The following ZNF780B variants were observed in gnomAD, a reference collection of about 807,000 sequenced individuals.
ZNF780B encodes zinc finger protein 780B, also known as zinc finger protein 779.
ZNF780B carries 52 observed loss-of-function variants against 74.1 expected under a neutral mutation model. That is an observed-to-expected ratio of 0.70 (90% CI 0.56 to 0.88). ZNF780B has a LOEUF of 0.88. Among genes scored for constraint, ZNF780B ranks in the 40% least tolerant of loss-of-function variants. The pLI, the probability that ZNF780B is intolerant of heterozygous loss-of-function variation, is 0.00. For missense variants in ZNF780B, 953 were observed against 1,007.6 expected, an observed-to-expected ratio of 0.95 and a Z score of 0.73; for synonymous variants, 315 against 324.3, an observed-to-expected ratio of 0.97 and a Z score of 0.31.
chr19:40,045,753 C>T (rs994099500), intron 4 of ZNF780B, among the ~76,000 whole-genome samples: 14 of 152,164 alleles, frequency 9.2e-5, no homozygotes, highest in African/African-American at 2.9e-4. Context: ...TTTGGGAAGC[C>T]GAGGTGGGTG....
At position 40,052,053 on chromosome 19, in the gene ZNF780B, T is replaced by C. The variant is rs117605984; in HGVS notation, c.-45-1676A>G. Among the ~76,000 whole-genome samples the C allele has an allele frequency of 6.6e-3, 1,010 of 152,350 alleles. 5 individuals carry two copies. Among genetic ancestry groups the C allele is most frequent in the Non-Finnish European group, 0.012 (791 of 68,032 alleles). ...ATCATTTTATTAGCTGCATAATACT[T>C]TATCACTTGAGTCTAGTATAATTTG... On this transcript the variant is annotated intron_variant, in intron 1 of 4. Transcript: ENST00000434248.
intron 2 of ZNF780B, 196 bp from the exon 3 acceptor site, chr19:40,048,992 G>T: frequency 2.6e-6 from 2 of 779,522 alleles, no homozygotes; most frequent in Non-Finnish European, 3.9e-6. Context: ...GGGAGACCAA[G>T]GTGGAAGGAC....
Position 40,032,270 on chromosome 19 carries a change from A to G in ZNF780B, c.*2087T>C. The G allele has an allele frequency of 2.8e-6, 1 of 362,234 alleles. No homozygotes were observed. 22.4% of individuals were successfully genotyped at this position (362,234 alleles called of 1,614,324 possible). On this transcript the variant is annotated 3_prime_UTR_variant, in exon 5 of 5. Transcript: ENST00000434248. ...AAACAGAGGCCCAGGCTTATAAACT[A>G]GGGCTACACTTCTGTAGGTTTACTA...
intron 2 of ZNF780B, among the ~76,000 whole-genome samples, chr19:40,049,478 C>T (rs1158463295): frequency 6.6e-6 from 1 of 152,044 alleles, no homozygotes; most frequent in Non-Finnish European, 1.5e-5. Context: ...CTGTAATCAC[C>T]TACCACTCAT....
chr19:40,045,194 T>C (rs1241855407), intron 4 of ZNF780B, among the ~76,000 whole-genome samples: 2 of 152,088 alleles, frequency 1.3e-5, no homozygotes, highest in Admixed American at 6.6e-5. Context: ...CCCAGATATA[T>C]AAGGCAAATA....
chr19:40,034,435 A>C lies in ZNF780B; in HGVS notation c.2424T>G (p.Pro808=). The change falls in exon 5 of 5, where the codon CCT becomes CCG. Residue 808 remains proline (P), a synonymous_variant. Coordinates refer to ENST00000434248, the MANE Select transcript of ZNF780B (RefSeq NM_001005851.3). ...GCTGTCCCACATTTCTTACATTCAA[A>C]GGGTTTCTCACCTGTACAAGTTTTT... The part of the protein sequence containing the change: ...LHQKLVQVRN[P]LNVRNVGQPS... The C allele has an allele frequency of 6.2e-7, 1 of 1,614,032 alleles. No homozygotes were observed. Among genetic ancestry groups the C allele is most frequent in the Non-Finnish European group, 8.5e-7 (1 of 1,179,972 alleles).
At position 40,035,218 on chromosome 19, in the gene ZNF780B, A is replaced by G. The variant is rs370348935; in HGVS notation, c.1641T>C (p.His547=). 4 of 1,613,978 alleles carry G rather than the reference A, an allele frequency of 2.5e-6. No homozygotes were observed. Among genetic ancestry groups the G allele is most frequent in the African/African-American group, 1.3e-5 (1 of 74,878 alleles). The change falls in exon 5 of 5, where the codon CAT becomes CAC. Residue 547 remains histidine (H), a synonymous_variant. Transcript: ENST00000434248. ...GTTTCTCACCTGTATGAGTTTTCTC[A>G]TGTTGAGAAAGTTGTAGGTGAAGTC... The part of the protein sequence containing the change: ...AFRLHLQLSQ[H]EKTHTGEKPF...
rs866488557 is a variant in ZNF780B at position 40,034,806 on chromosome 19, T to C, written c.2053A>G (p.Ile685Val). 6.2e-7 allele frequency: 1 copy of C among 1,612,414 alleles called. No individual in the cohort carries two copies. The highest frequency in any genetic ancestry group is 2.2e-5 in the East Asian group (1 of 44,716). ...GKGFSRVSNL[I>V]QHQKTHSSAK... ...CTGGAATGAGTTTTCTGATGCTGAATAAGGTTTGAAACACGACTAAAGCCT... is the reference window on the plus strand; with the variant it reads ...CTGGAATGAGTTTTCTGATGCTGAACAAGGTTTGAAACACGACTAAAGCCT... The change falls in exon 5 of 5, where the codon ATT becomes GTT. Residue 685 changes from isoleucine to valine, a missense_variant. Coordinates refer to ENST00000434248, the MANE Select transcript of ZNF780B (RefSeq NM_001005851.3).
At position 40,033,926 on chromosome 19, in the gene ZNF780B, A is replaced by G. The variant is rs1173727122; in HGVS notation, c.*431T>C. The G allele has an allele frequency of 5.1e-6, 1 of 195,268 alleles. No homozygotes were observed. The allele number at this position is 195,268 out of a possible 1,614,324, so 12.1% of individuals were successfully genotyped here. On this transcript the variant is annotated 3_prime_UTR_variant, in exon 5 of 5. Transcript: ENST00000434248. ...AAGTAAAGGTCTTTCCACATTCTTT[A>G]CATTCATACGGTTCATACCAGTATG...
chr19:40,039,026 A>C (rs1273970485), intron 4 of ZNF780B, among the ~76,000 whole-genome samples: 1 of 152,154 alleles, frequency 6.6e-6, no homozygotes, highest in South Asian at 2.1e-4. Flanking sequence ...GTTTTCTTCT[A>C]GGGTTTTTAT....
chr19:40,047,564 C>A, intron 3 of ZNF780B, 94 bp from the exon 4 acceptor site: 2 of 747,832 alleles, frequency 2.7e-6, no homozygotes, highest in African/African-American at 1.8e-5. Flanking sequence ...AATTACAAGC[C>A]AAAACAATAT....
At chr19:40,045,542 T>C (rs1287629641) in intron 4 of ZNF780B, among the ~76,000 whole-genome samples, 1 of 152,202 alleles carries the variant, frequency 6.6e-6, no homozygotes, top group Non-Finnish European at 1.5e-5. Context: ...GTAGCATTAT[T>C]CAAAATACCA....
intron 4 of ZNF780B, among the ~76,000 whole-genome samples, chr19:40,039,385 G>T (rs1180400958): frequency 6.6e-6 from 1 of 152,124 alleles, no homozygotes; most frequent in African/African-American, 2.4e-5. Flanking sequence ...GGATTGACTT[G>T]GTGATGCGGG....
At chr19:40,045,790 C>T (rs1972907181) in intron 4 of ZNF780B, among the ~76,000 whole-genome samples, 1 of 152,066 alleles carries the variant, frequency 6.6e-6, no homozygotes, top group African/African-American at 2.4e-5. Context: ...GAATTTGAGA[C>T]CAGCCTGGCC....
Position 40,032,877 on chromosome 19 carries a change from AAC to A in ZNF780B, c.*1478_*1479del, listed in dbSNP as rs1972060545. The A allele has an allele frequency of 6.5e-6, 1 of 153,304 alleles. No individual in the cohort carries two copies. Among genetic ancestry groups the A allele is most frequent in the East Asian group, 1.9e-4 (1 of 5,192 alleles). The allele number at this position is 153,304 out of a possible 1,614,324, so 9.5% of individuals were successfully genotyped here. A position where few individuals can be genotyped will look rare whatever the true frequency, so the allele number is the denominator to read the frequency against. ...TATGATATTGTCTTTATGTTTGGGT[AAC>A]ACACATGCTGATGTAACAAGGAGTA... is the stretch of plus-strand genomic sequence containing the variant. On this transcript the variant is annotated 3_prime_UTR_variant, in exon 5 of 5. Transcript: ENST00000434248.
At chr19:40,047,253 G>A (rs1474310457) in intron 4 of ZNF780B, 122 bp downstream of exon 4, 4 of 802,746 alleles carry the variant, frequency 5.0e-6, no homozygotes, top group Non-Finnish European at 8.5e-6. Flanking sequence ...TTGTCCAGTG[G>A]GGGACCTTGG....
Position 40,050,315 on chromosome 19 carries a change from C to T in ZNF780B, c.9+9G>A, listed in dbSNP as rs1973154773. On this transcript the variant is annotated intron_variant, in intron 2 of 4. Transcript: ENST00000434248. ...ACCATATTTCAAGAAGACAGAAACA[C>T]CAACTTACATGGACCATGTTTCTAG... 2.5e-6 allele frequency: 4 copies of T among 1,596,382 alleles called. No individual in the cohort carries two copies. Among genetic ancestry groups the T allele is most frequent in the Non-Finnish European group, 2.5e-6 (3 of 1,178,024 alleles).
Position 40,036,436 on chromosome 19 carries a change from C to T in ZNF780B, c.423G>A (p.Gln141=). ...GCATTTCTTCATAGCTGATGATCTT[C>T]TGGTTGATATATCCTTCTTGATGTC... ...RQGHQEGYIN[Q]KIISYEEMPA... is the part of the protein sequence containing the mutation. The change falls in exon 5 of 5, where the codon CAG becomes CAA. Residue 141 remains glutamine (Q), a synonymous_variant. Transcript: ENST00000434248. 6.2e-7 allele frequency: 1 copy of T among 1,608,890 alleles called. No homozygotes were observed.
Position 40,030,354 on chromosome 19 carries a change from CAG to C in ZNF780B, c.*4001_*4002del, listed in dbSNP as rs1971965626. Reference sequence around the variant, plus strand: ...TACAACCAGCTCTCATAGGAACTAACAGAGTGATAATTCACCCCCCAATCCAG... The same window carrying C: ...TACAACCAGCTCTCATAGGAACTAACAGTGATAATTCACCCCCCAATCCAG... On this transcript the variant is annotated 3_prime_UTR_variant, in exon 5 of 5. Coordinates refer to ENST00000434248, the MANE Select transcript of ZNF780B (RefSeq NM_001005851.3). 6.6e-6 allele frequency: 1 copy of C among 152,192 alleles called. No homozygotes were observed. 9.4% of individuals were successfully genotyped at this position (152,192 alleles called of 1,614,324 possible).
Sources: allele counts gnomAD v4.1 joint callset (sites outside exome capture counted in the v4.1 genomes callset), GRCh38; gene constraint gnomAD v4.1.1; transcripts MANE v1.5; gene names NCBI Gene and HGNC (gene_info 2026-07-23, HGNC 2026-07-21).